The following OPCML variants were observed in gnomAD, a reference collection of about 807,000 sequenced individuals.
OPCML encodes opioid-binding protein/cell adhesion molecule.
In OPCML, 13 loss-of-function variants were observed where a neutral mutation model predicts 37.8. The observed-to-expected ratio is 0.34, with a 90% CI of 0.22 to 0.55. OPCML has a LOEUF of 0.55. Ranked by LOEUF, OPCML falls within the 20% of genes least tolerant of loss-of-function variation. OPCML has a pLI of 0.91. For missense variants in OPCML, 341 were observed against 435.6 expected, an observed-to-expected ratio of 0.78 and a Z score of 1.93; for synonymous variants, 176 against 168.8, an observed-to-expected ratio of 1.04 and a Z score of -0.33.
chr11:132,692,365 C>T (rs1943438007), intron 2 of OPCML, among the ~76,000 whole-genome samples: 1 of 152,176 alleles, frequency 6.6e-6, no homozygotes, highest in Admixed American at 6.5e-5. Flanking sequence ...CCATGCAGCT[C>T]ATGCATCTAT....
intron 2 of OPCML, among the ~76,000 whole-genome samples, chr11:132,844,175 G>A (rs1254314666): frequency 1.3e-5 from 2 of 152,202 alleles, no homozygotes; most frequent in Admixed American, 6.5e-5. Context: ...CCCCAGCCAC[G>A]TGGAACTGTA....
chr11:132,668,255 AATG>A (rs1942308549), intron 2 of OPCML, among the ~76,000 whole-genome samples: 1 of 152,216 alleles, frequency 6.6e-6, no homozygotes, highest in East Asian at 1.9e-4. Flanking sequence ...CAATATCAAG[AATG>A]ATGATGAGAG....
chr11:132,710,707 T>C (rs1198025397), intron 2 of OPCML, among the ~76,000 whole-genome samples: 1 of 143,100 alleles, frequency 7.0e-6, no homozygotes, highest in African/African-American at 2.6e-5. Flanking sequence ...AAAAAAAAAT[T>C]AGCCAGGTGT....
chr11:132,704,363 G>C (rs564389593), intron 2 of OPCML, among the ~76,000 whole-genome samples: 41 of 152,276 alleles, frequency 2.7e-4, no homozygotes, highest in African/African-American at 8.4e-4. Context: ...TGAAAACAAA[G>C]AGGATGATAT....
intron 1 of OPCML, among the ~76,000 whole-genome samples, chr11:133,487,691 C>T (rs990569367): frequency 2.6e-5 from 4 of 151,986 alleles, no homozygotes; most frequent in South Asian, 2.1e-4. Context: ...AGGATAGTTT[C>T]TAGCAATAGA....
chr11:132,658,548 G>A (rs954915395), intron 2 of OPCML, among the ~76,000 whole-genome samples: 4 of 152,158 alleles, frequency 2.6e-5, no homozygotes, highest in South Asian at 4.1e-4. Context: ...GATCTAGGGC[G>A]GTCCTCTCCC....
intron 3 of OPCML, among the ~76,000 whole-genome samples, chr11:132,548,304 T>C (rs73035378): frequency 0.038 from 5,823 of 152,188 alleles, 177 homozygotes; most frequent in South Asian, 0.045. Flanking sequence ...AGTGGAAATT[T>C]TGAAGAATTT....
At chr11:132,911,031 G>A (rs1313903719) in intron 2 of OPCML, among the ~76,000 whole-genome samples, 12 of 152,204 alleles carry the variant, frequency 7.9e-5, no homozygotes, top group Non-Finnish European at 1.8e-4. Context: ...AGAACGTTAA[G>A]CAACCTTCCA....
chr11:132,521,017 C>A (rs1287228078), intron 4 of OPCML, among the ~76,000 whole-genome samples: 1 of 152,084 alleles, frequency 6.6e-6, no homozygotes, highest in Non-Finnish European at 1.5e-5. Flanking sequence ...AGTGTGAAAG[C>A]ATTCCTATTT....
intron 2 of OPCML, among the ~76,000 whole-genome samples, chr11:132,680,534 A>G (rs1362337914): frequency 6.6e-6 from 1 of 152,194 alleles, no homozygotes. Flanking sequence ...CTTCAAGAGA[A>G]AAAGGCCCTG....
At chr11:132,838,507 A>G (rs989416727) in intron 2 of OPCML, among the ~76,000 whole-genome samples, 15 of 152,176 alleles carry the variant, frequency 9.9e-5, no homozygotes, top group African/African-American at 3.4e-4. Context: ...CGCCTGTCCA[A>G]TGGCAATGTT....
At chr11:133,348,919 C>A (rs1049950726) in intron 1 of OPCML, among the ~76,000 whole-genome samples, 1 of 152,160 alleles carries the variant, frequency 6.6e-6, no homozygotes, top group Admixed American at 6.5e-5. Context: ...AGGACCCTCA[C>A]CACAGCTGAG....
chr11:133,411,869 T>C (rs762218976), intron 1 of OPCML, among the ~76,000 whole-genome samples: 6 of 152,168 alleles, frequency 3.9e-5, no homozygotes, highest in Admixed American at 6.5e-5. Context: ...CTGAACATCA[T>C]GGATTTGCAT....
intron 1 of OPCML, among the ~76,000 whole-genome samples, chr11:133,093,611 C>T (rs1948948216): frequency 6.6e-6 from 1 of 152,174 alleles, no homozygotes; most frequent in Non-Finnish European, 1.5e-5. Context: ...CCATATTGGT[C>T]TGTCTCAAAA....
intron 1 of OPCML, among the ~76,000 whole-genome samples, chr11:133,104,257 A>AG (rs1412783379): frequency 6.6e-6 from 1 of 152,334 alleles, no homozygotes; most frequent in South Asian, 2.1e-4. Context: ...GCAGGCAGGC[A>AG]GCAGGAGCTG....
At chr11:133,115,919 T>C (rs139664010) in intron 1 of OPCML, among the ~76,000 whole-genome samples, 2 of 152,218 alleles carry the variant, frequency 1.3e-5, no homozygotes, top group East Asian at 3.9e-4. Flanking sequence ...ATGCCCGTTT[T>C]TCCCCTAAAA....
At chr11:132,484,113 C>T (rs186652617) in intron 4 of OPCML, among the ~76,000 whole-genome samples, 3 of 152,244 alleles carry the variant, frequency 2.0e-5, no homozygotes, top group African/African-American at 2.4e-5. Context: ...AAGAAACTAC[C>T]TTCAGAGTGA....
At chr11:132,901,456 T>C (rs1944058626) in intron 2 of OPCML, among the ~76,000 whole-genome samples, 1 of 152,206 alleles carries the variant, frequency 6.6e-6, no homozygotes. Flanking sequence ...ATCAGATGAA[T>C]AGCCCAGCGT....
chr11:132,835,000 A>G (rs2136287556), intron 2 of OPCML, among the ~76,000 whole-genome samples: 1 of 152,084 alleles, frequency 6.6e-6, no homozygotes. Context: ...AAAAAAAAAA[A>G]AAAACATGGA....
Sources: allele counts gnomAD v4.1 joint callset (sites outside exome capture counted in the v4.1 genomes callset), GRCh38; gene constraint gnomAD v4.1.1; transcripts MANE v1.5; gene names NCBI Gene and HGNC (gene_info 2026-07-23, HGNC 2026-07-21).